Variants in SRSF7 observed in about 807,000 individuals in gnomAD.
SRSF7 encodes the protein serine/arginine-rich splicing factor 7.
Under a neutral mutation model 42.2 loss-of-function variants are expected in SRSF7, and 15 were observed. That is an observed-to-expected ratio of 0.36 (90% CI 0.24 to 0.55). The LOEUF (loss-of-function observed/expected upper bound fraction) is 0.55, where lower values mean the gene tolerates loss of function less well. Among genes scored for constraint, SRSF7 ranks in the 20% least tolerant of loss-of-function variants. The pLI, the probability that SRSF7 is intolerant of heterozygous loss-of-function variation, is 0.88. For missense variants in SRSF7, 181 were observed against 305.9 expected (o/e 0.59, Z 3.04); for synonymous variants, 138 against 107.9 (o/e 1.28, Z -1.73).
Position 38,748,629 on chromosome 2 carries a change from T to C in SRSF7, c.411A>G (p.Arg137=). Residue 137 remains arginine (R), a synonymous_variant, in exon 4 of 8, where the codon CGA becomes CGG. Transcript: ENST00000313117. ...RSRSRSRSHS[R]SRGRRYSRSR... is the part of the protein sequence containing the mutation. ...AGCGAGAGTATCGCCTTCCTCTGGA[T>C]CGAGAATGTGATCTAGACCGTGACC... The C allele has an allele frequency of 6.2e-7, 1 of 1,614,186 alleles. No homozygotes were observed. Among genetic ancestry groups the C allele is most frequent in the Non-Finnish European group, 8.5e-7 (1 of 1,180,020 alleles).
chr2:38,751,114 T>G, intron 1 of SRSF7, 115 bp downstream of exon 1: 2 of 1,423,070 alleles, frequency 1.4e-6, no homozygotes, highest in Non-Finnish European at 2.0e-6. Flanking sequence ...GGCGTGCTCC[T>G]AAGCCGCCAT....
Position 38,745,116 on chromosome 2 carries a change from G to C in SRSF7, c.*17C>G. On this transcript the variant is annotated 3_prime_UTR_variant, in exon 8 of 8. Coordinates refer to ENST00000313117, the MANE Select transcript of SRSF7 (RefSeq NM_001031684.3). Reference sequence around the variant, plus strand: ...GTAAACAAAATAACTTTTCCCTAAAGGGTGAACTTGAGAGCTTCAGTCCAT... The same window carrying C: ...GTAAACAAAATAACTTTTCCCTAAACGGTGAACTTGAGAGCTTCAGTCCAT... The C allele has an allele frequency of 1.2e-6, 2 of 1,613,638 alleles. No individual in the cohort carries two copies. The highest frequency in any genetic ancestry group is 1.1e-5 in the South Asian group (1 of 91,036).
chr2:38,746,863 C>T (rs1056562037), intron 5 of SRSF7, 116 bp from the exon 6 acceptor site: 2 of 1,505,524 alleles, frequency 1.3e-6, no homozygotes, highest in Non-Finnish European at 8.9e-7. Context: ...AAACAAGATG[C>T]AACACTTGCC....
At position 38,744,863 on chromosome 2, in the gene SRSF7, G is replaced by T; in HGVS notation, c.*270C>A. 5.2e-6 allele frequency: 2 copies of T among 382,272 alleles called. No individual in the cohort carries two copies. The highest frequency in any genetic ancestry group is 4.1e-5 in the African/African-American group (2 of 48,884). The allele number at this position is 382,272 out of a possible 1,614,324, so 23.7% of individuals were successfully genotyped here. A position where few individuals can be genotyped will look rare whatever the true frequency, so the allele number is the denominator to read the frequency against. ...CTGACTCTCAAATATATCAAATTAA[G>T]AAGTGTTAATATTGAACACAAATCA... is the stretch of plus-strand genomic sequence containing the variant. On this transcript the variant is annotated 3_prime_UTR_variant, in exon 8 of 8. Coordinates refer to ENST00000313117, the MANE Select transcript of SRSF7 (RefSeq NM_001031684.3).
At chr2:38,750,297 G>T in intron 1 of SRSF7, 103 bp from the exon 2 acceptor site, 2 of 1,078,790 alleles carry the variant, frequency 1.9e-6, no homozygotes, top group Non-Finnish European at 2.7e-6. Context: ...ATTGGGTAAA[G>T]CACATTTAAT....
At chr2:38,751,060 C>T in intron 1 of SRSF7, 169 bp downstream of exon 1, 2 of 784,366 alleles carry the variant, frequency 2.5e-6, no homozygotes, top group Non-Finnish European at 4.3e-6. Flanking sequence ...CCCGCCATCC[C>T]GTCTCCCTTC....
intron 6 of SRSF7, 129 bp from the exon 7 acceptor site, chr2:38,746,308 T>A (rs1667403340): frequency 9.5e-7 from 1 of 1,055,830 alleles, no homozygotes; most frequent in African/African-American, 1.6e-5. Context: ...CTGAAAAACA[T>A]CCTACCAGTT....
intron 5 of SRSF7, 117 bp downstream of exon 5, chr2:38,747,930 A>C: frequency 2.9e-6 from 2 of 695,322 alleles, no homozygotes; most frequent in African/African-American, 1.8e-5. Context: ...CATAAATTCC[A>C]AACTTTTACA....
At chr2:38,745,241 T>A in intron 7 of SRSF7, 54 bp from the exon 8 acceptor site, 1 of 1,576,348 alleles carries the variant, frequency 6.3e-7, no homozygotes. Context: ...GAAACTCTCA[T>A]GTACATGTAC....
intron 2 of SRSF7, 115 bp downstream of exon 2, chr2:38,749,899 C>T: frequency 3.0e-6 from 4 of 1,314,150 alleles, no homozygotes; most frequent in Non-Finnish European, 4.2e-6. Context: ...GCATTTAACA[C>T]TATGACCAGC....
Position 38,751,352 on chromosome 2 carries a change from G to A in SRSF7, c.-96C>T. 5.6e-4 allele frequency: 875 copies of A among 1,567,804 alleles called. 6 individuals are homozygous for A. In the Middle Eastern group the frequency reaches 0.012, roughly 21 times the overall value. Reference sequence around the variant, plus strand: ...ACACCTTCACCCGCCAAGAGTCCCGGCGGCACTACGAGGAAGAGCCCGGGT... The same window carrying A: ...ACACCTTCACCCGCCAAGAGTCCCGACGGCACTACGAGGAAGAGCCCGGGT... On this transcript the variant is annotated 5_prime_UTR_variant, in exon 1 of 8. Coordinates refer to ENST00000313117, the MANE Select transcript of SRSF7 (RefSeq NM_001031684.3).
At chr2:38,745,702 T>A (rs1360231483) in intron 7 of SRSF7, among the ~76,000 whole-genome samples, 1 of 151,960 alleles carries the variant, frequency 6.6e-6, no homozygotes, top group Non-Finnish European at 1.5e-5. Context: ...AATTGCAAGG[T>A]CAACCTGCAG....
At chr2:38,751,116 A>C in intron 1 of SRSF7, 113 bp downstream of exon 1, 2 of 1,431,432 alleles carry the variant, frequency 1.4e-6, no homozygotes, top group Non-Finnish European at 2.0e-6. Context: ...CGTGCTCCTA[A>C]GCCGCCATTA....
intron 5 of SRSF7, 57 bp downstream of exon 5, chr2:38,747,990 T>A (rs1667722213): frequency 3.1e-6 from 4 of 1,277,742 alleles, no homozygotes; most frequent in East Asian, 4.7e-5. Context: ...CTTAAGACAC[T>A]CTACTGATAA....
At chr2:38,749,931 T>G (rs993270252) in intron 2 of SRSF7, 83 bp downstream of exon 2, 4 of 1,461,846 alleles carry the variant, frequency 2.7e-6, no homozygotes, top group Non-Finnish European at 2.8e-6. Context: ...TCTTCCAGAC[T>G]TCAGAATCCA....
At position 38,748,176 on chromosome 2, in the gene SRSF7, A is replaced by T. The variant is rs1667760716; in HGVS notation, c.462-19T>A. The T allele has an allele frequency of 1.3e-6, 2 of 1,580,274 alleles. No individual in the cohort carries two copies. The highest frequency in any genetic ancestry group is 4.5e-5 in the East Asian group (2 of 44,676). Reference sequence around the variant, plus strand: ...CCTTGACCTAAAATAAAGAACTTTAAGTCCATCTCCACAGTTTTTTTTTTT... The same window carrying T: ...CCTTGACCTAAAATAAAGAACTTTATGTCCATCTCCACAGTTTTTTTTTTT... On this transcript the variant is annotated intron_variant, in intron 4 of 7. Coordinates refer to ENST00000313117, the MANE Select transcript of SRSF7 (RefSeq NM_001031684.3).
chr2:38,746,958 G>T (rs562840701), intron 5 of SRSF7: 2 of 778,720 alleles, frequency 2.6e-6, no homozygotes, highest in Admixed American at 2.5e-5. Context: ...TCACTCAATT[G>T]GTTAGTTTCT....
At chr2:38,749,753 G>A in intron 2 of SRSF7, 48 bp from the exon 3 acceptor site, 2 of 1,471,494 alleles carry the variant, frequency 1.4e-6, no homozygotes, top group East Asian at 2.5e-5. Flanking sequence ...ATATATTCAG[G>A]ACTTATAGAT....
At chr2:38,749,989 A>G (rs773226457) in intron 2 of SRSF7, 25 bp downstream of exon 2, 2 of 1,587,426 alleles carry the variant, frequency 1.3e-6, no homozygotes, top group Admixed American at 1.8e-5. Flanking sequence ...TTTAATGAAC[A>G]GAAGATTCAT....
Sources: allele counts gnomAD v4.1 joint callset (sites outside exome capture counted in the v4.1 genomes callset), GRCh38; gene constraint gnomAD v4.1.1; transcripts MANE v1.5; gene names NCBI Gene and HGNC (gene_info 2026-07-23, HGNC 2026-07-21).